The following CSMD3 variants were observed in gnomAD, a reference collection of about 807,000 sequenced individuals.
CSMD3 encodes CUB and sushi domain-containing protein 3.
Under a neutral mutation model 435.2 loss-of-function variants are expected in CSMD3, and 177 were observed. That is an observed-to-expected ratio of 0.41 (90% CI 0.36 to 0.46). The LOEUF is 0.46. Ranked by LOEUF, CSMD3 falls within the 20% of genes least tolerant of loss-of-function variation. The pLI, the probability that CSMD3 is intolerant of heterozygous loss-of-function variation, is 0.34. For synonymous variants in CSMD3, 1,656 were observed against 1,520.5 expected (o/e 1.09, Z -2.07); for missense variants, 4,265 against 4,504.6 (o/e 0.95, Z 1.52).
At chr8:112,589,947 CA>C (rs1831041151) in intron 22 of CSMD3, among the ~76,000 whole-genome samples, 2 of 152,070 alleles carry the variant, frequency 1.3e-5, no homozygotes, top group African/African-American at 2.4e-5. Flanking sequence ...TTAAGGTTTT[CA>C]GTCAGGTGCT....
intron 4 of CSMD3, among the ~76,000 whole-genome samples, chr8:113,143,203 TAAAC>T (rs2091591194): frequency 6.6e-6 from 1 of 150,966 alleles, no homozygotes. Flanking sequence ...AAATGGCAAA[TAAAC>T]ACACAAAAAG....
At chr8:113,152,384 T>G (rs148137076) in intron 4 of CSMD3, among the ~76,000 whole-genome samples, 1 of 152,028 alleles carries the variant, frequency 6.6e-6, no homozygotes, top group Non-Finnish European at 1.5e-5. Flanking sequence ...TGGTTCCTTA[T>G]ATGGGGAGAT....
At chr8:112,433,654 C>CAAAAAAAAAAAAAAAAAAAAA (rs35572894) in intron 32 of CSMD3, among the ~76,000 whole-genome samples, 8 of 93,166 alleles carry the variant, frequency 8.6e-5, no homozygotes, top group East Asian at 3.3e-4. Context: ...GAGAACCTGT[C>CAAAAAAAAAAAAAAAAAAAAA]AAAAAAAAAA....
rs147618616 is a variant in CSMD3 at position 112,487,724 on chromosome 8, G to A, written c.5278+4765C>T. Among the ~76,000 whole-genome samples the A allele has an allele frequency of 1.6e-3, 245 of 152,120 alleles. No homozygotes were observed. In the Middle Eastern group the frequency reaches 0.017, roughly 11 times the overall value. The stretch of plus-strand genomic sequence containing the variant: ...ATGCTCTGGATAAGGTTAGACCTGC[G>A]CCATTAGATAAAATAAGTCAAGGCA... On this transcript the variant is annotated intron_variant, in intron 31 of 70. Transcript: ENST00000297405.
intron 1 of CSMD3, among the ~76,000 whole-genome samples, chr8:113,340,293 G>T (rs1232625738): frequency 6.6e-6 from 1 of 151,998 alleles, no homozygotes; most frequent in Non-Finnish European, 1.5e-5. Context: ...GAGGACATTA[G>T]ACCATTTTAA....
intron 5 of CSMD3, among the ~76,000 whole-genome samples, chr8:113,059,460 G>C (rs1193936781): frequency 6.6e-6 from 1 of 151,776 alleles, no homozygotes; most frequent in Non-Finnish European, 1.5e-5. Flanking sequence ...CTTTTATATT[G>C]TTCTGCATTT....
intron 24 of CSMD3, among the ~76,000 whole-genome samples, chr8:112,558,903 A>G (rs1240636155): frequency 1.3e-5 from 2 of 151,982 alleles, no homozygotes; most frequent in Non-Finnish European, 2.9e-5. Context: ...CATATTTAAA[A>G]TATACTTTAT....
intron 66 of CSMD3, among the ~76,000 whole-genome samples, chr8:112,240,054 T>G (rs1220823012): frequency 6.6e-6 from 1 of 152,086 alleles, no homozygotes; most frequent in African/African-American, 2.4e-5. Flanking sequence ...GATATTTCAA[T>G]TTTTCAAAAT....
At chr8:113,176,319 T>G (rs745452437) in intron 3 of CSMD3, among the ~76,000 whole-genome samples, 62 of 152,112 alleles carry the variant, frequency 4.1e-4, no homozygotes, top group Non-Finnish European at 8.2e-4. Flanking sequence ...ACATTCAGGT[T>G]TAATCAATCC....
chr8:112,844,379 A>C (rs1047373242), intron 11 of CSMD3, among the ~76,000 whole-genome samples: 1 of 151,996 alleles, frequency 6.6e-6, no homozygotes, highest in African/African-American at 2.4e-5. Context: ...CCATAGTAGA[A>C]TTCCTAGCTG....
At chr8:112,995,690 GA>G (rs1452752851) in intron 6 of CSMD3, among the ~76,000 whole-genome samples, 1 of 151,236 alleles carries the variant, frequency 6.6e-6, no homozygotes, top group Non-Finnish European at 1.5e-5. Flanking sequence ...CTAGTCAAAA[GA>G]AAAAGGGAGT....
At chr8:113,364,586 T>C (rs555291815) in intron 1 of CSMD3, among the ~76,000 whole-genome samples, 8 of 152,236 alleles carry the variant, frequency 5.3e-5, no homozygotes, top group Non-Finnish European at 1.0e-4. Flanking sequence ...TGGATTTAAA[T>C]GAATCTCTAA....
chr8:112,287,537 A>G lies in CSMD3; in HGVS notation c.9149-291T>C, dbSNP rs1477136347. On this transcript the variant is annotated intron_variant, in intron 57 of 70. Coordinates refer to ENST00000297405, the MANE Select transcript of CSMD3 (RefSeq NM_198123.2). ...TCCAAACCTAGTTAATAACCAAGCT[A>G]ATGGAAAATGTGTAACTGACAGTAC... 2.0e-5 allele frequency among the ~76,000 whole-genome samples: 3 copies of G among 152,148 alleles called. No individual in the cohort carries two copies. The East Asian group carries it at 5.8e-4, about 29-fold the overall frequency.
At chr8:112,760,612 C>T (rs1169897862) in intron 13 of CSMD3, among the ~76,000 whole-genome samples, 2 of 152,144 alleles carry the variant, frequency 1.3e-5, no homozygotes, top group Non-Finnish European at 2.9e-5. Flanking sequence ...TATTGCATTG[C>T]TTGGATGCAA....
intron 35 of CSMD3, among the ~76,000 whole-genome samples, chr8:112,401,328 T>C (rs1831321360): frequency 6.6e-6 from 1 of 151,676 alleles, no homozygotes; most frequent in South Asian, 2.1e-4. Flanking sequence ...ATTTTGCTAT[T>C]TTTTTTTAAT....
At chr8:112,853,554 C>T (rs1337249783) in intron 11 of CSMD3, among the ~76,000 whole-genome samples, 17 of 152,170 alleles carry the variant, frequency 1.1e-4, no homozygotes, top group Non-Finnish European at 2.9e-5. Context: ...CTAACTGTGG[C>T]TTTCCCTCTA....
At chr8:112,861,094 G>A (rs903283142) in intron 10 of CSMD3, among the ~76,000 whole-genome samples, 4 of 151,672 alleles carry the variant, frequency 2.6e-5, no homozygotes, top group Admixed American at 6.6e-5. Flanking sequence ...TATACTCCTC[G>A]AGGTCTATTC....
At chr8:112,678,004 T>C (rs2075805211) in intron 16 of CSMD3, among the ~76,000 whole-genome samples, 1 of 152,174 alleles carries the variant, frequency 6.6e-6, no homozygotes, top group African/African-American at 2.4e-5. Context: ...ATAATATAAT[T>C]TTTTGTATTA....
rs1424914010 is a variant in CSMD3, at chr8:112,481,937, G to T, written c.5279-9230C>A. Among the ~76,000 whole-genome samples, 4 of 152,038 alleles carry T rather than the reference G, an allele frequency of 2.6e-5. No homozygotes were observed. The East Asian group carries it at 7.7e-4, about 29-fold the overall frequency. On this transcript the variant is annotated intron_variant, in intron 31 of 70. Transcript: ENST00000297405. ...TTCATTTTGTTTAACTGCCTTAAAT[G>T]ATAAGCCTCCAATAATGCTCCATTA... is the stretch of plus-strand genomic sequence containing the variant.
Sources: allele counts gnomAD v4.1 joint callset (sites outside exome capture counted in the v4.1 genomes callset), GRCh38; gene constraint gnomAD v4.1.1; transcripts MANE v1.5; gene names NCBI Gene and HGNC (gene_info 2026-07-23, HGNC 2026-07-21).